REXO5: variants seen among roughly 807,000 people sequenced by gnomAD.
The protein encoded by REXO5 is RNA exonuclease 5, also known as exonuclease NEF-sp.
Under a neutral mutation model 88.5 loss-of-function variants are expected in REXO5, and 48 were observed. The ratio of observed to expected loss-of-function variants is 0.54; its 90% CI spans 0.43 to 0.69. The LOEUF is 0.69. Among genes scored for constraint, REXO5 ranks in the 30% least tolerant of loss-of-function variants. REXO5 has a pLI of 0.00. For missense variants in REXO5, 749 were observed against 912.2 expected, an observed-to-expected ratio of 0.82 and a Z score of 2.30; for synonymous variants, 311 against 336.5, an observed-to-expected ratio of 0.92 and a Z score of 0.83.
chr16:20,844,547 T>C, intron 16 of REXO5, 82 bp from the exon 17 acceptor site: 1 of 1,204,454 alleles, frequency 8.3e-7, no homozygotes, highest in Non-Finnish European at 1.2e-6. Context: ...AAGTTATTAG[T>C]AATGGCAACA....
chr16:20,816,494 TTTTGTTTG>T (rs544594537), intron 5 of REXO5, among the ~76,000 whole-genome samples: 84 of 151,974 alleles, frequency 5.5e-4, no homozygotes, highest in African/African-American at 1.8e-3. Flanking sequence ...CCCCAGCTAA[TTTTGTTTG>T]TTTGTTTGTT....
chr16:20,846,297 G>A lies in REXO5; in HGVS notation c.2201G>A (p.Cys734Tyr). The A allele has an allele frequency of 1.9e-6, 3 of 1,614,074 alleles. No individual in the cohort carries two copies. The South Asian group carries it at 3.3e-5, about 18-fold the overall frequency. ...RKIGKLYNSL[C>Y]PGTLCLILLP... Reference sequence around the variant, plus strand: ...ATTGGAAAGCTCTACAACAGCTTGTGCCCGGGCACTCTCTGCCTCATCCTG... The same window carrying A: ...ATTGGAAAGCTCTACAACAGCTTGTACCCGGGCACTCTCTGCCTCATCCTG... Residue 734 changes from cysteine to tyrosine, a missense_variant, in exon 19 of 20, where the codon TGC (cysteine) becomes TAC (tyrosine). Physicochemically the swap from Cys to Tyr is radical, Grantham distance 194. Transcript: ENST00000261377.
At chr16:20,835,648 T>TTG (rs2081417247) in intron 13 of REXO5, among the ~76,000 whole-genome samples, 2 of 151,954 alleles carry the variant, frequency 1.3e-5, no homozygotes, top group East Asian at 3.9e-4. Flanking sequence ...AATTTTTTTT[T>TTG]TCTTCCTGAG....
intron 5 of REXO5, 111 bp downstream of exon 5, chr16:20,816,323 CAA>C: frequency 2.6e-6 from 2 of 774,024 alleles, no homozygotes; most frequent in Non-Finnish European, 3.7e-6. Context: ...AGCACAAAAA[CAA>C]TTTTTTTTTT....
At chr16:20,834,647 T>G (rs1468311671) in intron 13 of REXO5, among the ~76,000 whole-genome samples, 1 of 152,200 alleles carries the variant, frequency 6.6e-6, no homozygotes, top group Non-Finnish European at 1.5e-5. Flanking sequence ...TCATGTTTTT[T>G]CCAGTTTTTT....
intron 19 of REXO5, among the ~76,000 whole-genome samples, chr16:20,847,359 C>G (rs1031052791): frequency 6.6e-6 from 1 of 151,536 alleles, no homozygotes; most frequent in East Asian, 1.9e-4. Context: ...TCACTTGAAC[C>G]CAGGGGGCAG....
In REXO5 at chr16:20,832,137, C is replaced by T. The variant is rs1372648247; in HGVS notation, c.1159-19C>T. On this transcript the variant is annotated intron_variant, in intron 11 of 19. Transcript: ENST00000261377. ...TGCTCTGCAAGCAATTATATTTTTA[C>T]CACTTTGTTTTCTTCAAGATTGCAG... The T allele has an allele frequency of 6.7e-7, 1 of 1,494,402 alleles. No homozygotes were observed. The highest frequency in any genetic ancestry group is 1.9e-5 in the Admixed American group (1 of 52,640). The allele number at this position is 1,494,402 out of a possible 1,614,324, so 92.6% of individuals were successfully genotyped here.
intron 5 of REXO5, among the ~76,000 whole-genome samples, chr16:20,819,057 T>A (rs1379361762): frequency 6.6e-6 from 1 of 152,222 alleles, no homozygotes; most frequent in African/African-American, 2.4e-5. Context: ...TTGCTGAGAA[T>A]AATGGCTTCC....
At position 20,816,047 on chromosome 16, in the gene REXO5, AG is replaced by A. The variant is rs2081076138; in HGVS notation, c.379-68del. ...TTCAAAGCACTGAGGTGACAATAAA[AG>A]TCCAGGCCTTTCACAGTATTTTAGC... On this transcript the variant is annotated intron_variant, in intron 4 of 19. Coordinates refer to ENST00000261377, the MANE Select transcript of REXO5 (RefSeq NM_030941.3). 59 of 1,246,368 alleles carry A rather than the reference AG, an allele frequency of 4.7e-5. No individual in the cohort carries two copies. The South Asian group carries it at 7.0e-4, about 15-fold the overall frequency. 77.2% of individuals were successfully genotyped at this position (1,246,368 alleles called of 1,614,324 possible).
intron 7 of REXO5, among the ~76,000 whole-genome samples, chr16:20,824,945 G>A (rs2081238697): frequency 6.6e-6 from 1 of 152,018 alleles, no homozygotes; most frequent in Admixed American, 6.6e-5. Flanking sequence ...GTAGGCAGAG[G>A]TTGCAGTGAG....
In REXO5 at chr16:20,810,408, CT is replaced by C. The variant is rs879424407; in HGVS notation, c.139-2771del. On this transcript the variant is annotated intron_variant, in intron 2 of 19. Transcript: ENST00000261377. ...TCATTCTATTCATTCTAGTTTTCTC[CT>C]TTTTTTTTTTCTTTTGAGACAAAAG... Among the ~76,000 whole-genome samples, 123 of 146,640 alleles carry C rather than the reference CT, an allele frequency of 8.4e-4. 1 individual carries two copies. Among genetic ancestry groups the C allele is most frequent in the South Asian group, 7.3e-3 (34 of 4,626 alleles).
In REXO5 at chr16:20,806,619, T is replaced by C. The variant is rs2080880947; in HGVS notation, c.-89T>C. The stretch of plus-strand genomic sequence containing the variant: ...CCGGGCTAGGGGGCGTGGGGAGTGG[T>C]TTTAGGCGGCGAAGCCGCTCGGCAG... On this transcript the variant is annotated 5_prime_UTR_variant, in exon 1 of 20. Transcript: ENST00000261377. 1 of 1,366,064 alleles carries C rather than the reference T, an allele frequency of 7.3e-7. No homozygotes were observed. The highest frequency in any genetic ancestry group is 2.9e-5 in the Admixed American group (1 of 34,506). The allele number at this position is 1,366,064 out of a possible 1,614,324, so 84.6% of individuals were successfully genotyped here.
At chr16:20,826,016 G>A in intron 8 of REXO5, 68 bp downstream of exon 8, 1 of 975,580 alleles carries the variant, frequency 1.0e-6, no homozygotes. Context: ...ACTTAAGAAT[G>A]GCCCACAGCT....
At chr16:20,809,109 T>C (rs2080958716) in intron 2 of REXO5, among the ~76,000 whole-genome samples, 2 of 152,112 alleles carry the variant, frequency 1.3e-5, no homozygotes, top group African/African-American at 4.8e-5. Context: ...ATGTGGTTAG[T>C]GTAAGGAGAT....
chr16:20,815,572 C>T (rs142021718), intron 4 of REXO5, among the ~76,000 whole-genome samples: 1 of 152,264 alleles, frequency 6.6e-6, no homozygotes, highest in African/African-American at 2.4e-5. Context: ...TTGAGCACTT[C>T]CTGTGTATCA....
intron 19 of REXO5, 99 bp downstream of exon 19, chr16:20,846,438 G>T: frequency 2.6e-6 from 2 of 775,912 alleles, no homozygotes; most frequent in Admixed American, 2.3e-5. Flanking sequence ...ACATAGTGAG[G>T]ACTTACATGA....
intron 15 of REXO5, among the ~76,000 whole-genome samples, chr16:20,841,533 A>T (rs1461690438): frequency 6.6e-6 from 1 of 152,240 alleles, no homozygotes; most frequent in Non-Finnish European, 1.5e-5. Flanking sequence ...TATGAAAGTG[A>T]AGTAAAAACA....
intron 2 of REXO5, among the ~76,000 whole-genome samples, chr16:20,810,069 T>C (rs12597620): frequency 0.084 from 12,793 of 152,304 alleles, 591 homozygotes; most frequent in East Asian, 0.13. Flanking sequence ...GTCATTACTT[T>C]CTGGCACAAG....
In REXO5 at chr16:20,806,635, C is replaced by T. The variant is rs2080881333; in HGVS notation, c.-73C>T. The T allele has an allele frequency of 8.0e-7, 1 of 1,257,552 alleles. No individual in the cohort carries two copies. 77.9% of individuals were successfully genotyped at this position (1,257,552 alleles called of 1,614,324 possible). On this transcript the variant is annotated 5_prime_UTR_variant, in exon 1 of 20. Transcript: ENST00000261377. ...GGGGAGTGGTTTTAGGCGGCGAAGCCGCTCGGCAGCACCTTCCTTCTTTGC... is the reference window on the plus strand; with the variant it reads ...GGGGAGTGGTTTTAGGCGGCGAAGCTGCTCGGCAGCACCTTCCTTCTTTGC...
Sources: allele counts gnomAD v4.1 joint callset (sites outside exome capture counted in the v4.1 genomes callset), GRCh38; gene constraint gnomAD v4.1.1; transcripts MANE v1.5; gene names NCBI Gene and HGNC (gene_info 2026-07-23, HGNC 2026-07-21).